PTPRT: variants seen among roughly 807,000 people sequenced by gnomAD.
PTPRT encodes the protein receptor-type tyrosine-protein phosphatase T.
A neutral mutation model predicts 176.8 loss-of-function variants in PTPRT; 56 were observed. The ratio of observed to expected loss-of-function variants is 0.32; its 90% CI spans 0.26 to 0.40. PTPRT has a LOEUF of 0.40. Among genes scored for constraint, PTPRT ranks in the 10% least tolerant of loss-of-function variants. The pLI is 1.00. For missense variants in PTPRT, 1,540 were observed against 1,908.2 expected, an observed-to-expected ratio of 0.81 and a Z score of 3.60; for synonymous variants, 783 against 739.0, an observed-to-expected ratio of 1.06 and a Z score of -0.96.
intron 1 of PTPRT, among the ~76,000 whole-genome samples, chr20:43,018,992 C>A (rs1019704344): frequency 2.0e-5 from 3 of 152,078 alleles, no homozygotes; most frequent in Admixed American, 2.0e-4. Flanking sequence ...ATTTATCTTA[C>A]TGAAATACAT....
intron 9 of PTPRT, among the ~76,000 whole-genome samples, chr20:42,413,976 G>T (rs558501454): frequency 6.6e-6 from 1 of 152,030 alleles, no homozygotes; most frequent in Non-Finnish European, 1.5e-5. Context: ...TCATCCTCCC[G>T]AGGAGCCACC....
intron 15 of PTPRT, among the ~76,000 whole-genome samples, chr20:42,224,716 CTT>C (rs2055965476): frequency 1.3e-5 from 2 of 152,194 alleles, no homozygotes; most frequent in Non-Finnish European, 1.5e-5. Context: ...TCCAACCTCT[CTT>C]TATAGACTGT....
chr20:42,814,855 C>T (rs957672), intron 2 of PTPRT, among the ~76,000 whole-genome samples: 2,945 of 152,138 alleles, frequency 0.019, 59 homozygotes, highest in East Asian at 0.086. Context: ...AGTTTAAACA[C>T]GCAAGCTTGT....
chr20:42,137,891 C>T (rs1004913749), intron 18 of PTPRT, among the ~76,000 whole-genome samples: 1 of 152,142 alleles, frequency 6.6e-6, no homozygotes, highest in Non-Finnish European at 1.5e-5. Context: ...ACACCTGAGC[C>T]CAGTGGCTTT....
intron 12 of PTPRT, among the ~76,000 whole-genome samples, chr20:42,295,007 T>G (rs888266176): frequency 2.6e-5 from 4 of 151,986 alleles, no homozygotes; most frequent in African/African-American, 9.7e-5. Flanking sequence ...AAATCCAACA[T>G]ATATATAGTG....
At chr20:42,124,401 A>C (rs1032536318) in intron 19 of PTPRT, among the ~76,000 whole-genome samples, 6 of 152,312 alleles carry the variant, frequency 3.9e-5, no homozygotes, top group Admixed American at 3.9e-4. Context: ...CAGATACGAT[A>C]TTTATTTCCA....
At chr20:42,163,088 G>C (rs903423535) in intron 16 of PTPRT, among the ~76,000 whole-genome samples, 1 of 152,122 alleles carries the variant, frequency 6.6e-6, no homozygotes, top group South Asian at 2.1e-4. Flanking sequence ...TTGGAGTAGG[G>C]GATAAATTTT....
intron 1 of PTPRT, among the ~76,000 whole-genome samples, chr20:42,923,994 GCCAC>G (rs1158371986): frequency 6.6e-6 from 1 of 152,106 alleles, no homozygotes; most frequent in African/African-American, 2.4e-5. Flanking sequence ...ACAGGCATGT[GCCAC>G]CATGCCTGGC....
At chr20:42,991,760 T>A (rs1983925992) in intron 1 of PTPRT, among the ~76,000 whole-genome samples, 1 of 152,204 alleles carries the variant, frequency 6.6e-6, no homozygotes, top group Non-Finnish European at 1.5e-5. Context: ...TAAATATATA[T>A]TTTAAGATAA....
At chr20:42,199,608 T>C (rs1028561191) in intron 15 of PTPRT, among the ~76,000 whole-genome samples, 2 of 152,160 alleles carry the variant, frequency 1.3e-5, no homozygotes, top group Non-Finnish European at 2.9e-5. Flanking sequence ...ATGTGTTCTA[T>C]GTTTGAGCCT....
intron 21 of PTPRT, 59 bp downstream of exon 21, chr20:42,118,344 A>G (rs1987402116): frequency 7.0e-7 from 1 of 1,432,438 alleles, no homozygotes; most frequent in Admixed American, 1.9e-5. Flanking sequence ...TGGAACAAAG[A>G]GATGTTCGAG....
intron 16 of PTPRT, 108 bp from the exon 17 acceptor site, chr20:42,161,650 G>A: frequency 9.5e-7 from 1 of 1,048,388 alleles, no homozygotes; most frequent in Non-Finnish European, 1.4e-6. Context: ...ACCAACTTGG[G>A]ACTCAACTGA....
At chr20:42,928,832 G>C (rs1979652167) in intron 1 of PTPRT, among the ~76,000 whole-genome samples, 2 of 152,090 alleles carry the variant, frequency 1.3e-5, no homozygotes, top group African/African-American at 4.8e-5. Context: ...ACAAAAACCT[G>C]TCCCCAATTG....
At chr20:43,022,724 AT>A (rs1985742475) in intron 1 of PTPRT, among the ~76,000 whole-genome samples, 1 of 152,162 alleles carries the variant, frequency 6.6e-6, no homozygotes, top group Non-Finnish European at 1.5e-5. Context: ...CAAAAATAGA[AT>A]ATGTGGCCAA....
intron 16 of PTPRT, among the ~76,000 whole-genome samples, chr20:42,190,409 C>A (rs1990955169): frequency 6.6e-6 from 1 of 152,230 alleles, no homozygotes. Context: ...GCTTTAGCAC[C>A]CTTCAGGTCC....
At chr20:42,556,769 T>G (rs1430117537) in intron 7 of PTPRT, among the ~76,000 whole-genome samples, 1 of 152,092 alleles carries the variant, frequency 6.6e-6, no homozygotes, top group Non-Finnish European at 1.5e-5. Context: ...TTGCACAATG[T>G]TGTTAGTTTA....
intron 7 of PTPRT, among the ~76,000 whole-genome samples, chr20:42,623,584 T>G (rs2074237412): frequency 6.6e-6 from 1 of 152,202 alleles, no homozygotes; most frequent in Non-Finnish European, 1.5e-5. Flanking sequence ...TCCATCTCCA[T>G]GTGAGAGGCC....
At chr20:42,566,597 T>C (rs1442964962) in intron 7 of PTPRT, among the ~76,000 whole-genome samples, 1 of 152,140 alleles carries the variant, frequency 6.6e-6, no homozygotes, top group East Asian at 1.9e-4. Context: ...CATTCTCTCT[T>C]TCAGCTTGCT....
At chr20:43,112,417 T>G (rs930468398) in intron 1 of PTPRT, among the ~76,000 whole-genome samples, 1 of 152,150 alleles carries the variant, frequency 6.6e-6, no homozygotes, top group Non-Finnish European at 1.5e-5. Context: ...GTACCTGCTT[T>G]CAAAACCAGA....
Sources: allele counts gnomAD v4.1 joint callset (sites outside exome capture counted in the v4.1 genomes callset), GRCh38; gene constraint gnomAD v4.1.1; transcripts MANE v1.5; gene names NCBI Gene and HGNC (gene_info 2026-07-23, HGNC 2026-07-21).